Variants in CR1L observed in about 807,000 individuals in gnomAD.
CR1L encodes the protein complement component receptor 1-like protein.
CR1L carries 59 observed loss-of-function variants against 62.3 expected under a neutral mutation model. The observed-to-expected ratio is 0.95, with a 90% CI of 0.77 to 1.18. The LOEUF is 1.18. Among genes scored for constraint, CR1L ranks in the 50% most tolerant of loss-of-function variants. CR1L has a pLI of 0.00. For missense variants in CR1L, 700 were observed against 702.8 expected, an observed-to-expected ratio of 1.00 and a Z score of 0.04; for synonymous variants, 279 against 248.7, an observed-to-expected ratio of 1.12 and a Z score of -1.15.
chr1:207,648,814 G>A (rs759974508), intron 1 of CR1L, among the ~76,000 whole-genome samples: 3 of 152,190 alleles, frequency 2.0e-5, no homozygotes, highest in Non-Finnish European at 4.4e-5. Flanking sequence ...CACCTGCCAG[G>A]ATACCAGAAG....
At chr1:207,723,491 C>A in intron 11 of CR1L, 127 bp from the exon 12 acceptor site, 2 of 766,670 alleles carry the variant, frequency 2.6e-6, no homozygotes, top group Non-Finnish European at 4.1e-6. Context: ...AAATCAATGG[C>A]TTTTTATAAA....
intron 1 of CR1L, among the ~76,000 whole-genome samples, chr1:207,650,953 T>G (rs1298789991): frequency 6.6e-6 from 1 of 152,022 alleles, no homozygotes; most frequent in African/African-American, 2.4e-5. Flanking sequence ...ACCTGGCTAA[T>G]TTTTTGTATT....
At chr1:207,706,033 A>G (rs952744167) in intron 9 of CR1L, among the ~76,000 whole-genome samples, 1 of 147,814 alleles carries the variant, frequency 6.8e-6, no homozygotes, top group Non-Finnish European at 1.5e-5. Context: ...ATATATATAT[A>G]TATATATATA....
At chr1:207,646,000 A>G (rs772861414) in intron 1 of CR1L, among the ~76,000 whole-genome samples, 32 of 152,164 alleles carry the variant, frequency 2.1e-4, no homozygotes, top group Non-Finnish European at 4.0e-4. Flanking sequence ...GAGTGAGAGC[A>G]GGCTCTCAGT....
At position 207,675,947 on chromosome 1, in the gene CR1L, C is replaced by T. The variant is rs924461768; in HGVS notation, c.98-1442C>T. On this transcript the variant is annotated intron_variant, in intron 1 of 11. Transcript: ENST00000508064. ...GTTCACTCTTTGTGCTCAAGATTGA[C>T]GTGGCGACAGACTTCCAACATTGGT... is the stretch of plus-strand genomic sequence containing the variant. Among the ~76,000 whole-genome samples the T allele has an allele frequency of 5.9e-5, 9 of 152,148 alleles. No individual in the cohort carries two copies. The East Asian group carries it at 7.7e-4, about 13-fold the overall frequency.
chr1:207,657,840 T>G (rs1310086185), intron 1 of CR1L, among the ~76,000 whole-genome samples: 1 of 152,218 alleles, frequency 6.6e-6, no homozygotes, highest in Non-Finnish European at 1.5e-5. Flanking sequence ...TAAAAGTATA[T>G]ACTTCCCAAG....
Position 207,678,259 on chromosome 1 carries a change from C to G in CR1L, c.339C>G (p.Ile113Met). ...VNGMAHVIKDIQFRSQIKYSC... is the reference protein window; with the variant it reads ...VNGMAHVIKDMQFRSQIKYSC... ...GCATGGCACATGTGATCAAAGACATCCAGTTCAGATCCCAAATTAAATATT... is the reference window on the plus strand; with the variant it reads ...GCATGGCACATGTGATCAAAGACATGCAGTTCAGATCCCAAATTAAATATT... Residue 113 changes from isoleucine to methionine, a missense_variant, in exon 3 of 12, where the codon ATC becomes ATG. Physicochemically the swap from Ile to Met is conservative, Grantham distance 10 (BLOSUM62 1). Transcript: ENST00000508064. 2 of 1,613,632 alleles carry G rather than the reference C, an allele frequency of 1.2e-6. No individual in the cohort carries two copies. Among genetic ancestry groups the G allele is most frequent in the Non-Finnish European group, 1.7e-6 (2 of 1,179,550 alleles).
intron 5 of CR1L, 96 bp downstream of exon 5, chr1:207,694,847 G>C: frequency 6.3e-7 from 1 of 1,578,008 alleles, no homozygotes; most frequent in Non-Finnish European, 8.6e-7. Context: ...GATTTGTGCT[G>C]AGCAGGGTCG....
intron 3 of CR1L, among the ~76,000 whole-genome samples, chr1:207,679,823 CT>C (rs1388975530): frequency 6.6e-6 from 1 of 152,156 alleles, no homozygotes; most frequent in African/African-American, 2.4e-5. Flanking sequence ...AATGAATCTT[CT>C]TTCACTATTA....
chr1:207,701,871 G>A (rs1413918205), intron 9 of CR1L: 1 of 643,856 alleles, frequency 1.6e-6, no homozygotes, highest in Non-Finnish European at 2.9e-6. Flanking sequence ...AAAATTAGGA[G>A]TATAGTAGTC....
intron 1 of CR1L, among the ~76,000 whole-genome samples, chr1:207,650,038 A>G (rs1013550369): frequency 6.6e-6 from 1 of 152,076 alleles, no homozygotes; most frequent in African/African-American, 2.4e-5. Flanking sequence ...ATGTGTGTGT[A>G]GAGTCAAAAG....
intron 4 of CR1L, among the ~76,000 whole-genome samples, chr1:207,685,455 T>C (rs1185812020): frequency 6.6e-6 from 1 of 152,234 alleles, no homozygotes; most frequent in African/African-American, 2.4e-5. Context: ...AAATAACACC[T>C]TAGTCGGCTA....
intron 5 of CR1L, among the ~76,000 whole-genome samples, chr1:207,695,832 T>C (rs1664094501): frequency 6.6e-6 from 1 of 152,136 alleles, no homozygotes; most frequent in Admixed American, 6.6e-5. Flanking sequence ...CTACACATTT[T>C]AAACAAGCAG....
chr1:207,669,469 C>T (rs568751018), intron 1 of CR1L: 164 of 1,520,774 alleles, frequency 1.1e-4, no homozygotes, highest in Non-Finnish European at 1.5e-4. Flanking sequence ...TCCGAGAAGC[C>T]GGGAGCCTGT....
chr1:207,681,560 G>C (rs1176192158), intron 3 of CR1L, among the ~76,000 whole-genome samples: 1 of 152,088 alleles, frequency 6.6e-6, no homozygotes, highest in South Asian at 2.1e-4. Flanking sequence ...TCTTCTATCT[G>C]TTCCCTTTGA....
intron 8 of CR1L, among the ~76,000 whole-genome samples, chr1:207,701,089 A>C (rs1324993735): frequency 6.6e-6 from 1 of 152,226 alleles, no homozygotes; most frequent in Non-Finnish European, 1.5e-5. Context: ...GAATGTTTCA[A>C]GGAATATTTG....
intron 4 of CR1L, among the ~76,000 whole-genome samples, chr1:207,687,364 A>G (rs879261020): frequency 3.3e-5 from 5 of 152,144 alleles, no homozygotes; most frequent in Admixed American, 6.5e-5. Context: ...CTTTTTGCTG[A>G]AGTATAACAT....
At chr1:207,692,334 T>C (rs978443656) in intron 4 of CR1L, among the ~76,000 whole-genome samples, 1 of 152,210 alleles carries the variant, frequency 6.6e-6, no homozygotes, top group African/African-American at 2.4e-5. Flanking sequence ...TCAGCATCCA[T>C]TTAGAATATG....
At chr1:207,715,120 T>C (rs1202913941) in intron 10 of CR1L, among the ~76,000 whole-genome samples, 5 of 152,190 alleles carry the variant, frequency 3.3e-5, no homozygotes, top group African/African-American at 1.2e-4. Context: ...TAAATTGGCC[T>C]TTGAGTTTCT....
Sources: allele counts gnomAD v4.1 joint callset (sites outside exome capture counted in the v4.1 genomes callset), GRCh38; gene constraint gnomAD v4.1.1; transcripts MANE v1.5; gene names NCBI Gene and HGNC (gene_info 2026-07-23, HGNC 2026-07-21).